The following PRKCH variants were observed in gnomAD, a reference collection of about 807,000 sequenced individuals.
The protein encoded by PRKCH is protein kinase C eta.
PRKCH carries 28 observed loss-of-function variants against 82.5 expected under a neutral mutation model. The observed-to-expected ratio is 0.34, with a 90% CI of 0.25 to 0.47. PRKCH has a LOEUF of 0.47. Ranked by LOEUF, PRKCH falls within the 20% of genes least tolerant of loss-of-function variation. PRKCH has a pLI of 1.00. For missense variants in PRKCH, 705 were observed against 881.8 expected (o/e 0.80, Z 2.54); for synonymous variants, 322 against 327.4 (o/e 0.98, Z 0.18).
At chr14:61,304,835 A>G (rs1278341135) in intron 1 of PRKCH, 47 of 151,980 alleles carry the variant, frequency 3.1e-4, no homozygotes, top group Non-Finnish European at 1.5e-5. Context: ...AAAAAAAAAA[A>G]AAGCTGGGTT....
rs113155880 is a variant in PRKCH, at chr14:61,398,433, G to GTAGCTGGA, written c.427+7147_427+7154dup. ...TCATCTTATGTGAGGACAAAAAGATGTAGCTGGATTATTATGCTACTAAGA... is the reference window on the plus strand; with the variant it reads ...TCATCTTATGTGAGGACAAAAAGATGTAGCTGGATAGCTGGATTATTATGCTACTAAGA... On this transcript the variant is annotated intron_variant, in intron 2 of 13. Transcript: ENST00000332981. Among the ~76,000 whole-genome samples, 662 of 152,350 alleles carry GTAGCTGGA rather than the reference G, an allele frequency of 4.3e-3. 5 individuals are homozygous for GTAGCTGGA. Among genetic ancestry groups the GTAGCTGGA allele is most frequent in the African/African-American group, 0.016 (646 of 41,580 alleles).
chr14:61,367,081 A>T (rs1351462174), intron 1 of PRKCH, among the ~76,000 whole-genome samples: 3 of 152,106 alleles, frequency 2.0e-5, no homozygotes, highest in African/African-American at 7.3e-5. Flanking sequence ...CAAGGGTTAT[A>T]TGCAGGACTT....
chr14:61,344,937 C>T (rs370768896), intron 1 of PRKCH, among the ~76,000 whole-genome samples: 1 of 152,056 alleles, frequency 6.6e-6, no homozygotes, highest in Admixed American at 6.6e-5. Flanking sequence ...TTGAGCGTGC[C>T]CTGCTTCACA....
At chr14:61,495,989 A>G (rs1012998603) in intron 10 of PRKCH, among the ~76,000 whole-genome samples, 5 of 152,214 alleles carry the variant, frequency 3.3e-5, no homozygotes, top group Non-Finnish European at 5.9e-5. Context: ...ACAAAGACCT[A>G]AGGATGGGAG....
chr14:61,339,922 C>T (rs781668258), intron 1 of PRKCH, among the ~76,000 whole-genome samples: 1 of 151,452 alleles, frequency 6.6e-6, no homozygotes, highest in African/African-American at 2.4e-5. Flanking sequence ...GGGGCTCAAG[C>T]GATCCTCTTG....
At chr14:61,219,951 C>T (rs537530780) in intron 1 of PRKCH, among the ~76,000 whole-genome samples, 115 of 152,236 alleles carry the variant, frequency 7.6e-4, no homozygotes, top group African/African-American at 2.7e-3. Context: ...ACTAGAGAAC[C>T]TGCAACCTGA....
chr14:61,242,414 T>C (rs1297324727), intron 1 of PRKCH, among the ~76,000 whole-genome samples: 6 of 152,244 alleles, frequency 3.9e-5, no homozygotes, highest in African/African-American at 1.4e-4. Context: ...TTTGTTTGTT[T>C]TTTGAGACAG....
intron 1 of PRKCH, among the ~76,000 whole-genome samples, chr14:61,269,280 A>G (rs1594883232): frequency 6.6e-6 from 1 of 152,340 alleles, no homozygotes; most frequent in Non-Finnish European, 1.5e-5. Context: ...ACTTAATCAT[A>G]ATGTATAGAA....
intron 1 of PRKCH, among the ~76,000 whole-genome samples, chr14:61,245,354 C>T (rs1566792842): frequency 1.3e-5 from 2 of 152,160 alleles, no homozygotes; most frequent in African/African-American, 4.8e-5. Flanking sequence ...TCTTCCTTTC[C>T]CCACCACCAC....
intron 10 of PRKCH, among the ~76,000 whole-genome samples, chr14:61,518,609 A>AT (rs894882200): frequency 1.3e-5 from 2 of 151,626 alleles, no homozygotes; most frequent in Non-Finnish European, 2.9e-5. Flanking sequence ...TTTTTTGGGT[A>AT]TTTTTTTCTA....
At chr14:61,511,877 T>C (rs945305515) in intron 10 of PRKCH, among the ~76,000 whole-genome samples, 1 of 152,176 alleles carries the variant, frequency 6.6e-6, no homozygotes, top group Non-Finnish European at 1.5e-5. Context: ...TGTGGGTGGA[T>C]AGAACATTGT....
chr14:61,325,703 C>T (rs963673699), intron 1 of PRKCH, among the ~76,000 whole-genome samples: 2 of 152,000 alleles, frequency 1.3e-5, no homozygotes, highest in African/African-American at 2.4e-5. Context: ...AACTGCAATA[C>T]GTAAATGAAA....
At position 61,348,376 on chromosome 14, in the gene PRKCH, C is replaced by T. The variant is rs192972582; in HGVS notation, c.363+25912C>T. On this transcript the variant is annotated intron_variant, in intron 1 of 13. Coordinates refer to ENST00000332981, the MANE Select transcript of PRKCH (RefSeq NM_006255.5). ...GATGAAAACCATGAGCCATTTGAAC[C>T]GTGTGTGGTGTCTGGAAAAACAGGT... is the stretch of plus-strand genomic sequence containing the variant. Among the ~76,000 whole-genome samples the T allele has an allele frequency of 2.0e-5, 3 of 152,204 alleles. No homozygotes were observed. The East Asian group carries it at 5.8e-4, about 29-fold the overall frequency.
At chr14:61,375,318 C>T (rs2140178421) in intron 1 of PRKCH, among the ~76,000 whole-genome samples, 1 of 152,160 alleles carries the variant, frequency 6.6e-6, no homozygotes, top group African/African-American at 2.4e-5. Context: ...AAGTTACAAG[C>T]TTTCCCATAT....
In PRKCH at chr14:61,280,058, G is replaced by A. The variant is rs775769330; in HGVS notation, c.-19+92390G>A. ...CCAAAAGCACCTTGCAAGAGTTTTG[G>A]CAAGAAGCAGGAGGGATCCCTGGAA... On this transcript the variant is annotated intron_variant, in intron 1 of 3. Coordinates refer to the PRKCH transcript ENST00000555185. This position sits in a 1 kb window ranked among gnomAD's most constrained non-coding sequence, Gnocchi z 5.0. 6.5e-7 allele frequency: 1 copy of A among 1,543,510 alleles called. No homozygotes were observed. The highest frequency in any genetic ancestry group is 8.7e-7 in the Non-Finnish European group (1 of 1,145,018).
chr14:61,449,900 C>CTGTGTG (rs57980810), intron 5 of PRKCH, among the ~76,000 whole-genome samples: 1 of 36,894 alleles, frequency 2.7e-5, no homozygotes, highest in African/African-American at 4.4e-5. Flanking sequence ...CTCTCTCTCT[C>CTGTGTG]TGTGTGTGTG....
intron 1 of PRKCH, among the ~76,000 whole-genome samples, chr14:61,376,053 AT>A (rs1460728437): frequency 6.6e-6 from 1 of 151,054 alleles, no homozygotes; most frequent in African/African-American, 2.4e-5. Flanking sequence ...ATACATTAAG[AT>A]TTTATTCACA....
At chr14:61,407,487 AC>A (rs1478617361) in intron 2 of PRKCH, among the ~76,000 whole-genome samples, 1 of 152,088 alleles carries the variant, frequency 6.6e-6, no homozygotes, top group Non-Finnish European at 1.5e-5. Context: ...ATTTCCTTAA[AC>A]ATACTAAGGA....
intron 4 of PRKCH, among the ~76,000 whole-genome samples, chr14:61,447,333 C>A (rs898351906): frequency 6.6e-5 from 10 of 152,100 alleles, no homozygotes; most frequent in Non-Finnish European, 1.3e-4. Context: ...GAAAAATGAA[C>A]AAATCCACTT....
Sources: allele counts gnomAD v4.1 joint callset (sites outside exome capture counted in the v4.1 genomes callset), GRCh38; gene constraint gnomAD v4.1.1; non-coding constraint Gnocchi (gnomAD v3.1); transcripts MANE v1.5; gene names NCBI Gene and HGNC (gene_info 2026-07-23, HGNC 2026-07-21).